Variants in ERCC1 observed in about 807,000 individuals in gnomAD.
ERCC1 encodes DNA excision repair protein ERCC-1.
A neutral mutation model predicts 37.6 loss-of-function variants in ERCC1; 36 were observed. The ratio of observed to expected loss-of-function variants is 0.96; its 90% CI spans 0.73 to 1.26. ERCC1 has a LOEUF of 1.26. Ranked by LOEUF, ERCC1 falls within the 50% of genes most tolerant of loss-of-function variation. The pLI is 0.00. For missense variants in ERCC1, 349 were observed against 376.5 expected (o/e 0.93, Z 0.60); for synonymous variants, 156 against 162.1 (o/e 0.96, Z 0.28).
intron 1 of ERCC1, 73 bp downstream of exon 1, chr19:45,423,708 G>T: frequency 8.3e-7 from 1 of 1,198,350 alleles, no homozygotes; most frequent in Non-Finnish European, 1.0e-6. Context: ...GCCTGGCCTT[G>T]TCCATCTCTC....
At chr19:45,411,563 GT>G (rs1467877167) in intron 9 of ERCC1, among the ~76,000 whole-genome samples, 1 of 152,052 alleles carries the variant, frequency 6.6e-6, no homozygotes, top group Non-Finnish European at 1.5e-5. Flanking sequence ...GGAGACCGAG[GT>G]GGGTGGATCA....
chr19:45,411,286 T>A (rs1304519552), intron 9 of ERCC1, among the ~76,000 whole-genome samples: 1 of 152,186 alleles, frequency 6.6e-6, no homozygotes, highest in Non-Finnish European at 1.5e-5. Flanking sequence ...ATACACTGAT[T>A]TCCTTTTTTT....
At position 45,409,641 on chromosome 19, in the gene ERCC1, A is replaced by G. The variant is rs1347315805; in HGVS notation, c.*34T>C. 3 of 1,473,932 alleles carry G rather than the reference A, an allele frequency of 2.0e-6. No homozygotes were observed. Among genetic ancestry groups the G allele is most frequent in the Admixed American group, 1.7e-5 (1 of 58,752 alleles). The allele number at this position is 1,473,932 out of a possible 1,614,324, so 91.3% of individuals were successfully genotyped here. A position where few individuals can be genotyped will look rare whatever the true frequency, so the allele number is the denominator to read the frequency against. On this transcript the variant is annotated 3_prime_UTR_variant, in exon 10 of 10. Transcript: ENST00000300853. Reference sequence around the variant, plus strand: ...GCCTGGCCTGGGAGGACGATTTATTATTACACTGGGGGTTTCCTTGGCAGC... The same window carrying G: ...GCCTGGCCTGGGAGGACGATTTATTGTTACACTGGGGGTTTCCTTGGCAGC...
At chr19:45,427,303 C>A (rs1016343211), upstream of ERCC1, among the ~76,000 whole-genome samples, 6 of 152,248 alleles carry the variant, frequency 3.9e-5, no homozygotes, top group Non-Finnish European at 7.4e-5. Flanking sequence ...ATAGTCTCAT[C>A]ACTAGGTATA....
At chr19:45,412,509 C>T (rs893511501) in intron 9 of ERCC1, among the ~76,000 whole-genome samples, 26 of 152,104 alleles carry the variant, frequency 1.7e-4, no homozygotes, top group African/African-American at 5.1e-4. Context: ...TGCTGAGCAC[C>T]TTTTCATATG....
At chr19:45,451,372 C>G (rs1967116930) in intron 1 of ERCC1, among the ~76,000 whole-genome samples, 1 of 151,394 alleles carries the variant, frequency 6.6e-6, no homozygotes, top group Admixed American at 6.6e-5. Flanking sequence ...GTTGGGGTCC[C>G]CACCAGGGGA....
chr19:45,416,702 G>A lies in ERCC1; in HGVS notation c.602+119C>T, dbSNP rs1974089581. 4.0e-6 allele frequency: 3 copies of A among 747,448 alleles called. No individual in the cohort carries two copies. The African/African-American group carries it at 5.2e-5, about 13-fold the overall frequency. 46.3% of individuals were successfully genotyped at this position (747,448 alleles called of 1,614,324 possible). A position where few individuals can be genotyped will look rare whatever the true frequency, so the allele number is the denominator to read the frequency against. ...TGAGGAAACTGAAGGCCAGAGAGAG[G>A]CAGTGCCTGCACCAGGCCCACACAG... is the stretch of plus-strand genomic sequence containing the variant. On this transcript the variant is annotated intron_variant, in intron 6 of 9. Transcript: ENST00000300853.
rs1490882715 is a variant in ERCC1, at chr19:45,423,904, C to T, written c.-131G>A. The T allele has an allele frequency of 5.4e-6, 6 of 1,104,602 alleles. No individual in the cohort carries two copies. Among genetic ancestry groups the T allele is most frequent in the Non-Finnish European group, 6.7e-6 (6 of 900,944 alleles). The allele number at this position is 1,104,602 out of a possible 1,614,324, so 68.4% of individuals were successfully genotyped here. On this transcript the variant is annotated 5_prime_UTR_variant, in exon 1 of 10. Coordinates refer to ENST00000300853, the MANE Select transcript of ERCC1 (RefSeq NM_001983.4). ...CCAGCACGGCCAGCGTGGCCCAGGG[C>T]TCGCAGCACTTCCGGCCTCTCTGGC...
At chr19:45,421,733 A>G (rs1476589634) in intron 2 of ERCC1, among the ~76,000 whole-genome samples, 1 of 151,044 alleles carries the variant, frequency 6.6e-6, no homozygotes, top group Non-Finnish European at 1.5e-5. Flanking sequence ...CCCCAGGTTC[A>G]AGCGATTCTC....
intron 1 of ERCC1, among the ~76,000 whole-genome samples, chr19:45,430,567 A>T (rs759132151): frequency 6.6e-6 from 1 of 152,146 alleles, no homozygotes. Flanking sequence ...CCTGCAGCCC[A>T]AAGAACCTTA....
upstream of ERCC1, among the ~76,000 whole-genome samples, chr19:45,424,818 G>A (rs965034051): frequency 2.0e-5 from 3 of 150,542 alleles, no homozygotes; most frequent in East Asian, 3.9e-4. Context: ...AGTTATTTGT[G>A]TTTATGCGCA....
At chr19:45,414,790 T>G in intron 7 of ERCC1, 71 bp downstream of exon 7, 2 of 1,067,780 alleles carry the variant, frequency 1.9e-6, no homozygotes, top group Non-Finnish European at 2.9e-6. Flanking sequence ...GCCTTAAAAT[T>G]GGAACTGAAG....
At chr19:45,413,820 G>C in intron 8 of ERCC1, 75 bp from the exon 9 acceptor site, 1 of 1,603,546 alleles carries the variant, frequency 6.2e-7, no homozygotes, top group Non-Finnish European at 8.5e-7. Context: ...AGGGGCCTCA[G>C]ATATTCCCCA....
intron 6 of ERCC1, 178 bp downstream of exon 6, chr19:45,416,643 A>G: frequency 1.7e-6 from 1 of 598,112 alleles, no homozygotes; most frequent in Non-Finnish European, 3.0e-6. Flanking sequence ...GTATCAAAAA[A>G]AAAAAAAAAA....
chr19:45,414,921 G>A lies in ERCC1; in HGVS notation c.642C>T (p.Ala214=), dbSNP rs1973959861. 6.2e-7 allele frequency: 1 copy of A among 1,613,972 alleles called. No homozygotes were observed. The highest frequency in any genetic ancestry group is 8.5e-7 in the Non-Finnish European group (1 of 1,179,896). ...EAGRYLETYK[A]YEQKPADLLM... ...GGAGGTCCGCTGGTTTCTGCTCATA[G>A]GCCTTGTAGGTCTCCAGGTACCGCC... Residue 214 remains alanine (A), a synonymous_variant, in exon 7 of 10, where the codon GCC becomes GCT. Coordinates refer to ENST00000300853, the MANE Select transcript of ERCC1 (RefSeq NM_001983.4).
intron 1 of ERCC1, among the ~76,000 whole-genome samples, chr19:45,432,120 T>C (rs1275710517): frequency 6.6e-6 from 1 of 151,884 alleles, no homozygotes; most frequent in East Asian, 1.9e-4. Flanking sequence ...TACAGGCATG[T>C]GCCGCCACAC....
intron 1 of ERCC1, among the ~76,000 whole-genome samples, chr19:45,439,231 T>C (rs1975056795): frequency 6.6e-6 from 1 of 152,112 alleles, no homozygotes; most frequent in Non-Finnish European, 1.5e-5. Context: ...CGCCTCGTTT[T>C]CTGGGAGGCA....
rs1306499529 is a variant in ERCC1 at position 45,420,389 on chromosome 19, G to A, written c.360C>T (p.Pro120=). 6.2e-7 allele frequency: 1 copy of A among 1,613,832 alleles called. No individual in the cohort carries two copies. The highest frequency in any genetic ancestry group is 8.5e-7 in the Non-Finnish European group (1 of 1,179,880). The stretch of plus-strand genomic sequence containing the variant: ...CGGGAATTACGTCGCCAAATTCCCA[G>A]GGCACATTGCGCACGAACTTCAGTA... ...NPVLKFVRNV[P]WEFGDVIPDY... Residue 120 remains proline, a synonymous_variant, in exon 4 of 10, where the codon CCC becomes CCT. Transcript: ENST00000300853. The surrounding 1 kb of genome is among the most constrained non-coding windows in gnomAD (Gnocchi z 4.8).
chr19:45,425,760 C>T (rs1164829680), upstream of ERCC1, among the ~76,000 whole-genome samples: 1 of 152,222 alleles, frequency 6.6e-6, no homozygotes, highest in African/African-American at 2.4e-5. Context: ...CTTTTCTCCA[C>T]TGTTCTGAAA....
Sources: allele counts gnomAD v4.1 joint callset (sites outside exome capture counted in the v4.1 genomes callset), GRCh38; gene constraint gnomAD v4.1.1; non-coding constraint Gnocchi (gnomAD v3.1); transcripts MANE v1.5; gene names NCBI Gene and HGNC (gene_info 2026-07-23, HGNC 2026-07-21).